Variants in MNAT1 observed in about 807,000 individuals in gnomAD.
The protein encoded by MNAT1 is MNAT1 component of CDK activating kinase, also known as CDK-activating kinase assembly factor MAT1.
In MNAT1, 43 loss-of-function variants were observed where a neutral mutation model predicts 42.0. The ratio of observed to expected loss-of-function variants is 1.02; its 90% CI spans 0.80 to 1.32. The LOEUF (loss-of-function observed/expected upper bound fraction) is 1.32, where lower values mean the gene tolerates loss of function less well. MNAT1 is among the 40% of genes most tolerant of loss of function. MNAT1 has a pLI of 0.00. For synonymous variants in MNAT1, 118 were observed against 120.0 expected (o/e 0.98, Z 0.11); for missense variants, 306 against 350.4 (o/e 0.87, Z 1.01).
chr14:60,763,957 A>T lies in MNAT1; in HGVS notation c.89+29006A>T, dbSNP rs150123221. On this transcript the variant is annotated intron_variant, in intron 1 of 7. Transcript: ENST00000261245. ...GCTTAAGCTTCAGAGATATAGTCACATGGATTTATCTTTCCATGACAATTG... is the reference window on the plus strand; with the variant it reads ...GCTTAAGCTTCAGAGATATAGTCACTTGGATTTATCTTTCCATGACAATTG... Among the ~76,000 whole-genome samples the T allele has an allele frequency of 1.3e-3, 203 of 152,324 alleles. 3 individuals carry two copies. The East Asian group carries it at 0.03, about 23-fold the overall frequency.
chr14:60,788,440 G>T (rs1454982318), intron 1 of MNAT1, among the ~76,000 whole-genome samples: 1 of 152,104 alleles, frequency 6.6e-6, no homozygotes, highest in Non-Finnish European at 1.5e-5. Flanking sequence ...AATGAACATT[G>T]GTTTCAATTT....
chr14:60,942,173 G>A (rs556864106), intron 7 of MNAT1, among the ~76,000 whole-genome samples: 4 of 152,044 alleles, frequency 2.6e-5, no homozygotes, highest in Admixed American at 1.3e-4. Flanking sequence ...AGTTTTTTCT[G>A]ATATAAATGA....
At chr14:60,928,368 G>A (rs1045880806) in intron 7 of MNAT1, among the ~76,000 whole-genome samples, 1 of 152,004 alleles carries the variant, frequency 6.6e-6, no homozygotes, top group Non-Finnish European at 1.5e-5. Flanking sequence ...ATATATCTTG[G>A]ATATATACTT....
At chr14:60,890,203 A>G (rs889419739) in intron 7 of MNAT1, among the ~76,000 whole-genome samples, 2 of 152,222 alleles carry the variant, frequency 1.3e-5, no homozygotes, top group African/African-American at 4.8e-5. Flanking sequence ...AACCAAGCCA[A>G]ATGTCCAACA....
At chr14:60,738,810 C>A (rs188766683) in intron 1 of MNAT1, among the ~76,000 whole-genome samples, 5 of 152,326 alleles carry the variant, frequency 3.3e-5, no homozygotes, top group Non-Finnish European at 5.9e-5. Flanking sequence ...GCTGAGATTA[C>A]AGGCGTGAGC....
chr14:60,841,407 C>CACATAAAGTTGTGTGTGTTTTTAACACAT (rs1157396949), intron 6 of MNAT1, among the ~76,000 whole-genome samples: 6 of 151,708 alleles, frequency 4.0e-5, no homozygotes, highest in African/African-American at 1.5e-4. Flanking sequence ...ACACATACAA[C>CACATAAAGTTGTGTGTGTTTTTAACACAT]ACATAAAGTT....
At chr14:60,833,379 T>A (rs1288466241) in intron 6 of MNAT1, among the ~76,000 whole-genome samples, 1 of 152,228 alleles carries the variant, frequency 6.6e-6, no homozygotes, top group African/African-American at 2.4e-5. Context: ...TGAAAGTTTT[T>A]AGCATGAAGG....
intron 7 of MNAT1, among the ~76,000 whole-genome samples, chr14:60,951,239 G>A: frequency 6.9e-6 from 1 of 144,490 alleles, no homozygotes; most frequent in African/African-American, 2.5e-5. Flanking sequence ...AAAGACCTTA[G>A]AATGCTTAAA....
intron 5 of MNAT1, among the ~76,000 whole-genome samples, chr14:60,814,697 A>G (rs1379405632): frequency 6.6e-5 from 10 of 152,170 alleles, no homozygotes; most frequent in Admixed American, 6.5e-4. Context: ...AATAAGGGTA[A>G]GGGCATTCAT....
chr14:60,860,785 G>A (rs1192703057), intron 6 of MNAT1, among the ~76,000 whole-genome samples: 6 of 152,184 alleles, frequency 3.9e-5, no homozygotes, highest in Non-Finnish European at 5.9e-5. Flanking sequence ...GGCTGATAGT[G>A]TATATGCTTG....
intron 7 of MNAT1, among the ~76,000 whole-genome samples, chr14:60,950,845 C>T (rs949735281): frequency 4.6e-5 from 7 of 152,136 alleles, no homozygotes; most frequent in Non-Finnish European, 8.8e-5. Flanking sequence ...TATATCTTAA[C>T]TAATCAGAAC....
At chr14:60,817,813 G>A (rs1031545750) in intron 5 of MNAT1, among the ~76,000 whole-genome samples, 9 of 151,858 alleles carry the variant, frequency 5.9e-5, no homozygotes, top group Non-Finnish European at 1.2e-4. Context: ...CCTGGTATAG[G>A]AGATAAAAAT....
At chr14:60,915,005 G>C (rs896013493) in intron 7 of MNAT1, among the ~76,000 whole-genome samples, 2 of 152,160 alleles carry the variant, frequency 1.3e-5, no homozygotes, top group Non-Finnish European at 2.9e-5. Context: ...AATATTTCAA[G>C]GTGAGAGAAG....
intron 7 of MNAT1, among the ~76,000 whole-genome samples, chr14:60,884,638 A>G (rs1448809978): frequency 1.3e-5 from 2 of 152,026 alleles, no homozygotes; most frequent in African/African-American, 2.4e-5. Context: ...TTGTTGTTCT[A>G]TTTATATCTT....
In MNAT1 at chr14:60,961,046, T is replaced by A. The variant is rs145134853; in HGVS notation, c.810-7183T>A. Among the ~76,000 whole-genome samples, 6 of 152,268 alleles carry A rather than the reference T, an allele frequency of 3.9e-5. No individual in the cohort carries two copies. The South Asian group carries it at 1.0e-3, about 26-fold the overall frequency. ...GGTGCGATCTCAGCTCACCGCAACCTCTACCTCCCGGGTTCAAGTGATTCT... is the reference window on the plus strand; with the variant it reads ...GGTGCGATCTCAGCTCACCGCAACCACTACCTCCCGGGTTCAAGTGATTCT... On this transcript the variant is annotated intron_variant, in intron 7 of 7. Transcript: ENST00000261245.
chr14:60,926,768 T>C (rs528380428), intron 7 of MNAT1, among the ~76,000 whole-genome samples: 46 of 152,146 alleles, frequency 3.0e-4, no homozygotes, highest in Non-Finnish European at 5.9e-4. Context: ...TCATTGGCCA[T>C]TGGTGATTAA....
At chr14:60,813,715 C>T (rs762771050) in intron 5 of MNAT1, among the ~76,000 whole-genome samples, 1 of 152,140 alleles carries the variant, frequency 6.6e-6, no homozygotes, top group Non-Finnish European at 1.5e-5. Flanking sequence ...TTGGGATACT[C>T]AGTCTCTATC....
Position 60,819,040 on chromosome 14 carries a change from C to G in MNAT1, c.687+193C>G, listed in dbSNP as rs147362206. Among the ~76,000 whole-genome samples, 9 of 152,082 alleles carry G rather than the reference C, an allele frequency of 5.9e-5. No homozygotes were observed. The East Asian group carries it at 1.7e-3, about 29-fold the overall frequency. The stretch of plus-strand genomic sequence containing the variant: ...AACAAATAATTTTCAGAGTATACAA[C>G]ACAATTTTTTTGTATGTGAATTGGG... On this transcript the variant is annotated intron_variant, in intron 6 of 7. Coordinates refer to ENST00000261245, the MANE Select transcript of MNAT1 (RefSeq NM_002431.4).
chr14:60,766,916 G>A (rs1455239346), intron 1 of MNAT1, among the ~76,000 whole-genome samples: 1 of 152,054 alleles, frequency 6.6e-6, no homozygotes, highest in Non-Finnish European at 1.5e-5. Flanking sequence ...ACAAATGCAA[G>A]AATAAATATT....
Sources: gnomAD v4.1 joint callset for allele counts (sites outside exome capture counted in the v4.1 genomes callset) on GRCh38, gnomAD v4.1.1 for gene constraint, MANE v1.5 for transcripts, NCBI Gene and HGNC (gene_info 2026-07-23, HGNC 2026-07-21) for gene names.